Variants in TOP2B observed in about 807,000 individuals in gnomAD.
The protein encoded by TOP2B is DNA topoisomerase 2-beta.
A neutral mutation model predicts 193.5 loss-of-function variants in TOP2B; 51 were observed. The ratio of observed to expected loss-of-function variants is 0.26; its 90% CI spans 0.21 to 0.33. The LOEUF is 0.33. Ranked by LOEUF, TOP2B falls within the 10% of genes least tolerant of loss-of-function variation. TOP2B has a pLI of 1.00. For missense variants in TOP2B, 1,378 were observed against 1,909.3 expected, an observed-to-expected ratio of 0.72 and a Z score of 5.19; for synonymous variants, 634 against 635.7, an observed-to-expected ratio of 1.00 and a Z score of 0.04.
Position 25,615,202 on chromosome 3 carries a change from T to C in TOP2B, c.3591+3A>G, listed in dbSNP as rs759164487. 8 of 1,607,860 alleles carry C rather than the reference T, an allele frequency of 5.0e-6. No individual in the cohort carries two copies. The highest frequency in any genetic ancestry group is 4.2e-6 in the Non-Finnish European group (5 of 1,177,072). On this transcript the variant is annotated splice_donor_region_variant and intron_variant, in intron 27 of 35. Coordinates refer to ENST00000264331, the MANE Select transcript of TOP2B (RefSeq NM_001330700.2). ...AATAAATTTTAATAGAGACTTAACC[T>C]ACATCCAGTTCTTCAACAAATGCCG...
intron 27 of TOP2B, among the ~76,000 whole-genome samples, chr3:25,612,927 T>G (rs1027928305): frequency 6.6e-6 from 1 of 152,220 alleles, no homozygotes; most frequent in African/African-American, 2.4e-5. Context: ...GTTTCCCATT[T>G]GTAATACGAG....
intron 1 of TOP2B, among the ~76,000 whole-genome samples, chr3:25,645,916 T>C (rs1183206232): frequency 3.4e-5 from 5 of 148,260 alleles, no homozygotes; most frequent in African/African-American, 1.0e-4. Flanking sequence ...CGCACCACTA[T>C]GCCCAGGTAA....
chr3:25,619,323 T>C (rs1216235415), intron 23 of TOP2B, among the ~76,000 whole-genome samples: 5 of 152,164 alleles, frequency 3.3e-5, no homozygotes, highest in African/African-American at 1.2e-4. Flanking sequence ...ATCCTTTTTC[T>C]TTCTTCCATC....
chr3:25,645,665 G>A (rs1703394756), intron 1 of TOP2B, among the ~76,000 whole-genome samples, 195 bp from the exon 2 acceptor site: 1 of 152,144 alleles, frequency 6.6e-6, no homozygotes, highest in Admixed American at 6.5e-5. Flanking sequence ...TTTTGACTGA[G>A]CCCAAAACGT....
At chr3:25,625,488 G>A (rs904852279) in intron 18 of TOP2B, among the ~76,000 whole-genome samples, 7 of 152,024 alleles carry the variant, frequency 4.6e-5, no homozygotes, top group Admixed American at 6.6e-5. Flanking sequence ...GGCTGCATGT[G>A]GCCCAACACA....
intron 18 of TOP2B, 58 bp downstream of exon 18, chr3:25,626,502 C>T: frequency 3.1e-6 from 3 of 966,542 alleles, no homozygotes; most frequent in Non-Finnish European, 4.5e-6. Context: ...GCTTAAAGTA[C>T]ATGAAATTAA....
chr3:25,610,844 C>G (rs1018512800), intron 28 of TOP2B, among the ~76,000 whole-genome samples: 3 of 152,074 alleles, frequency 2.0e-5, no homozygotes, highest in Non-Finnish European at 4.4e-5. Context: ...TAAAGTATCT[C>G]AGAGAAAACA....
chr3:25,658,221 G>T (rs1277726914), intron 1 of TOP2B, among the ~76,000 whole-genome samples: 5 of 151,458 alleles, frequency 3.3e-5, no homozygotes, highest in Non-Finnish European at 5.9e-5. Context: ...AACAGAGCGA[G>T]ATTCCATCTC....
chr3:25,600,316 G>C (rs1211984143), intron 34 of TOP2B, among the ~76,000 whole-genome samples: 1 of 152,168 alleles, frequency 6.6e-6, no homozygotes, highest in Non-Finnish European at 1.5e-5. Flanking sequence ...CAAGTACGAA[G>C]ATAGACTTAA....
chr3:25,645,751 T>C (rs1338776905), intron 1 of TOP2B, among the ~76,000 whole-genome samples: 2 of 151,912 alleles, frequency 1.3e-5, no homozygotes, highest in Non-Finnish European at 1.5e-5. Context: ...CTGTAAGATA[T>C]CAAGTTTGTT....
At chr3:25,649,696 G>A (rs929026481) in intron 1 of TOP2B, among the ~76,000 whole-genome samples, 3 of 150,732 alleles carry the variant, frequency 2.0e-5, no homozygotes, top group Non-Finnish European at 4.4e-5. Flanking sequence ...TACTTTCTTA[G>A]ATAAACAAAC....
rs75445475 is a variant in TOP2B, at chr3:25,598,275, T to A, written c.*32A>T. 3.6e-5 allele frequency: 57 copies of A among 1,576,644 alleles called. 1 individual carries two copies. In the Admixed American group the frequency reaches 1.0e-3, roughly 28 times the overall value. Reference sequence around the variant, plus strand: ...GAAGACAAAAGGACAACACAAGATATTTGTTGAAAAATGTTTGTGCTCTTT... The same window carrying A: ...GAAGACAAAAGGACAACACAAGATAATTGTTGAAAAATGTTTGTGCTCTTT... On this transcript the variant is annotated 3_prime_UTR_variant, in exon 36 of 36. Transcript: ENST00000264331.
intron 28 of TOP2B, among the ~76,000 whole-genome samples, chr3:25,611,279 G>A (rs774427764): frequency 7.9e-5 from 12 of 152,282 alleles, no homozygotes; most frequent in Non-Finnish European, 1.8e-4. Context: ...TCTTCCGAGG[G>A]AGACAGGCAA....
chr3:25,639,941 C>A (rs2037860), intron 4 of TOP2B, among the ~76,000 whole-genome samples: 22,564 of 151,996 alleles, frequency 0.15, 1,786 homozygotes, highest in African/African-American at 0.21. Context: ...TTTATGTGCA[C>A]AAATGTACAA....
At chr3:25,652,704 A>G (rs1421561670) in intron 1 of TOP2B, among the ~76,000 whole-genome samples, 1 of 152,182 alleles carries the variant, frequency 6.6e-6, no homozygotes, top group African/African-American at 2.4e-5. Flanking sequence ...AACAATCAGT[A>G]AAGATCTCGA....
At chr3:25,663,405 C>T (rs906707047) in intron 1 of TOP2B, among the ~76,000 whole-genome samples, 1 of 152,216 alleles carries the variant, frequency 6.6e-6, no homozygotes, top group African/African-American at 2.4e-5. Context: ...CTGGTCTGAA[C>T]TCTACGCTGA....
chr3:25,613,190 G>T (rs1367116409), intron 27 of TOP2B, among the ~76,000 whole-genome samples: 1 of 152,106 alleles, frequency 6.6e-6, no homozygotes. Context: ...AATATAATTA[G>T]ATTGAACTCA....
intron 5 of TOP2B, 55 bp from the exon 6 acceptor site, chr3:25,637,367 C>A: frequency 3.0e-6 from 4 of 1,329,226 alleles, no homozygotes; most frequent in South Asian, 1.3e-5. Flanking sequence ...AAAGGAACTT[C>A]GTTAATTTAC....
intron 1 of TOP2B, among the ~76,000 whole-genome samples, chr3:25,652,030 A>G (rs928437493): frequency 2.0e-5 from 3 of 152,222 alleles, no homozygotes; most frequent in Non-Finnish European, 4.4e-5. Flanking sequence ...AGAAAACTGG[A>G]ATCTGAAGAG....
Sources: gnomAD v4.1 joint callset for allele counts (sites outside exome capture counted in the v4.1 genomes callset) on GRCh38, gnomAD v4.1.1 for gene constraint, MANE v1.5 for transcripts, NCBI Gene and HGNC (gene_info 2026-07-23, HGNC 2026-07-21) for gene names.